Variants in NKAIN2 observed in about 807,000 individuals in gnomAD.
The protein encoded by NKAIN2 is sodium/potassium-transporting ATPase subunit beta-1-interacting protein 2.
In NKAIN2, 14 loss-of-function variants were observed where a neutral mutation model predicts 32.6. That is an observed-to-expected ratio of 0.43 (90% CI 0.28 to 0.67). NKAIN2 has a LOEUF of 0.67. Among genes scored for constraint, NKAIN2 ranks in the 30% least tolerant of loss-of-function variants. NKAIN2 has a pLI of 0.17. For missense variants in NKAIN2, 198 were observed against 258.3 expected (o/e 0.77, Z 1.60); for synonymous variants, 80 against 87.2 (o/e 0.92, Z 0.46).
chr6:124,505,518 T>C (rs1488945515), intron 3 of NKAIN2, among the ~76,000 whole-genome samples: 1 of 152,242 alleles, frequency 6.6e-6, no homozygotes, highest in Admixed American at 6.5e-5. Flanking sequence ...AAGCTTTTGC[T>C]GAAATAATTC....
Position 124,351,484 on chromosome 6 carries a change from A to T in NKAIN2, c.193-3783A>T, listed in dbSNP as rs1317758020. Among the ~76,000 whole-genome samples the T allele has an allele frequency of 3.4e-5, 5 of 145,412 alleles. No homozygotes were observed. In the East Asian group the frequency reaches 1.0e-3, roughly 30 times the overall value. On this transcript the variant is annotated intron_variant, in intron 2 of 6. Transcript: ENST00000368417. ...CACTGCCTTCCAGCCGGGGTGGCAG[A>T]GTGAGATCCTGTCTCAAAAAAACCA...
intron 3 of NKAIN2, among the ~76,000 whole-genome samples, chr6:124,384,231 C>A (rs1020120386): frequency 6.6e-6 from 1 of 152,138 alleles, no homozygotes; most frequent in Middle Eastern, 3.4e-3. Context: ...ACTTGGTAAC[C>A]TTGTTCGCTA....
intron 5 of NKAIN2, among the ~76,000 whole-genome samples, chr6:124,812,197 T>C (rs1027876130): frequency 1.3e-5 from 2 of 152,158 alleles, no homozygotes; most frequent in Non-Finnish European, 2.9e-5. Context: ...AAAGTTTCTT[T>C]TGTGTATCTC....
intron 1 of NKAIN2, among the ~76,000 whole-genome samples, chr6:123,983,745 ATTT>A (rs10589453): frequency 4.0e-5 from 6 of 149,922 alleles, no homozygotes; most frequent in South Asian, 4.2e-4. Context: ...ATATATATAT[ATTT>A]TTTTTTTCTA....
At chr6:124,745,663 TTAAA>T (rs564521156) in intron 4 of NKAIN2, among the ~76,000 whole-genome samples, 44 of 151,984 alleles carry the variant, frequency 2.9e-4, no homozygotes, top group African/African-American at 9.9e-4. Flanking sequence ...TTGTAGAGAC[TTAAA>T]TAAGGAAAAT....
chr6:124,607,671 C>CAT (rs550641931), intron 3 of NKAIN2, among the ~76,000 whole-genome samples: 5 of 151,896 alleles, frequency 3.3e-5, no homozygotes, highest in East Asian at 1.9e-4. Flanking sequence ...CACACACAAA[C>CAT]ATATATATAT....
chr6:124,358,590 G>T (rs1263505967), intron 3 of NKAIN2, among the ~76,000 whole-genome samples: 2 of 152,166 alleles, frequency 1.3e-5, no homozygotes, highest in Non-Finnish European at 2.9e-5. Flanking sequence ...AGAAGTGTCT[G>T]TTTATATCCT....
intron 3 of NKAIN2, among the ~76,000 whole-genome samples, chr6:124,657,312 T>C (rs1479037): frequency 0.027 from 4,147 of 152,248 alleles, 84 homozygotes; most frequent in African/African-American, 0.066. Context: ...TTATCTTCCT[T>C]CATGACTTGC....
At chr6:124,467,224 G>A (rs1021774349) in intron 3 of NKAIN2, among the ~76,000 whole-genome samples, 2 of 152,022 alleles carry the variant, frequency 1.3e-5, no homozygotes, top group African/African-American at 4.8e-5. Flanking sequence ...TTCACAATAA[G>A]CAACCTATGT....
intron 1 of NKAIN2, among the ~76,000 whole-genome samples, chr6:124,143,263 G>A (rs1415617044): frequency 6.6e-6 from 1 of 152,128 alleles, no homozygotes; most frequent in African/African-American, 2.4e-5. Flanking sequence ...AATGAGACTA[G>A]CCTGGGCAAC....
At chr6:124,144,620 T>C (rs890529900) in intron 1 of NKAIN2, among the ~76,000 whole-genome samples, 4 of 152,114 alleles carry the variant, frequency 2.6e-5, no homozygotes, top group African/African-American at 9.7e-5. Flanking sequence ...ATAACGGTCA[T>C]TAAAAGTTAA....
intron 1 of NKAIN2, among the ~76,000 whole-genome samples, chr6:123,824,737 A>G (rs1774074431): frequency 6.6e-6 from 1 of 151,914 alleles, no homozygotes. Context: ...AATTAAAAAA[A>G]AAAAAGAAAA....
chr6:124,585,659 C>T (rs892124517), intron 3 of NKAIN2, among the ~76,000 whole-genome samples: 1 of 151,908 alleles, frequency 6.6e-6, no homozygotes, highest in Non-Finnish European at 1.5e-5. Context: ...GGAAGAGACA[C>T]CTGTGACAAA....
At chr6:124,249,975 T>G (rs890279994) in intron 1 of NKAIN2, among the ~76,000 whole-genome samples, 1 of 152,056 alleles carries the variant, frequency 6.6e-6, no homozygotes, top group Non-Finnish European at 1.5e-5. Context: ...GGGGGACAGG[T>G]GTATTTTGAG....
intron 1 of NKAIN2, among the ~76,000 whole-genome samples, chr6:124,025,078 A>G (rs1039234836): frequency 2.0e-5 from 3 of 152,190 alleles, no homozygotes; most frequent in African/African-American, 7.2e-5. Flanking sequence ...AGTCCATGCT[A>G]AGTATAAGAT....
At chr6:124,317,298 A>G (rs906533979) in intron 2 of NKAIN2, among the ~76,000 whole-genome samples, 3 of 152,142 alleles carry the variant, frequency 2.0e-5, no homozygotes, top group Non-Finnish European at 4.4e-5. Flanking sequence ...ATATCAATGC[A>G]TCAAGTACCT....
At chr6:124,754,495 A>G (rs1777871385) in intron 4 of NKAIN2, among the ~76,000 whole-genome samples, 1 of 152,068 alleles carries the variant, frequency 6.6e-6, no homozygotes, top group Non-Finnish European at 1.5e-5. Flanking sequence ...TGTTGGCCAC[A>G]TGAAAAGACG....
chr6:124,030,649 A>G (rs538600544), intron 1 of NKAIN2, among the ~76,000 whole-genome samples: 1 of 152,318 alleles, frequency 6.6e-6, no homozygotes, highest in Admixed American at 6.5e-5. Context: ...GCCAGTTAAG[A>G]AGTAACTCCA....
rs117715518 is a variant in NKAIN2, at chr6:124,561,904, G to A, written c.274-96282G>A. Among the ~76,000 whole-genome samples the A allele has an allele frequency of 5.1e-3, 777 of 152,272 alleles. 1 individual carries two copies. The highest frequency in any genetic ancestry group is 9.1e-3 in the Non-Finnish European group (618 of 68,026). On this transcript the variant is annotated intron_variant, in intron 3 of 6. Coordinates refer to ENST00000368417, the MANE Select transcript of NKAIN2 (RefSeq NM_001040214.3). ...GCATGGCCATGAATTCTCTACATAA[G>A]TCAAAGCAATGCATATGGTACCTTA... is the stretch of plus-strand genomic sequence containing the variant.
Sources: allele counts gnomAD v4.1 joint callset (sites outside exome capture counted in the v4.1 genomes callset), GRCh38; gene constraint gnomAD v4.1.1; transcripts MANE v1.5; gene names NCBI Gene and HGNC (gene_info 2026-07-23, HGNC 2026-07-21).